Variants in CADPS observed in about 807,000 individuals in gnomAD.
CADPS encodes calcium dependent secretion activator, also known as calcium-dependent secretion activator 1.
CADPS carries 57 observed loss-of-function variants against 167.3 expected under a neutral mutation model. That is an observed-to-expected ratio of 0.34 (90% CI 0.28 to 0.42). The LOEUF (loss-of-function observed/expected upper bound fraction) is 0.42, where lower values mean the gene tolerates loss of function less well. Ranked by LOEUF, CADPS falls within the 20% of genes least tolerant of loss-of-function variation. The pLI, the probability that CADPS is intolerant of heterozygous loss-of-function variation, is 1.00. For synonymous variants in CADPS, 676 were observed against 635.3 expected (o/e 1.06, Z -0.96); for missense variants, 1,414 against 1,738.1 (o/e 0.81, Z 3.32).
intron 6 of CADPS, among the ~76,000 whole-genome samples, chr3:62,628,262 A>T (rs142612752): frequency 6.6e-5 from 10 of 152,302 alleles, no homozygotes; most frequent in African/African-American, 2.2e-4. Flanking sequence ...CTTGACACAG[A>T]TATGGGAGAA....
At chr3:62,561,078 C>CACAAAAA (rs1553921203) in intron 9 of CADPS, among the ~76,000 whole-genome samples, 1 of 83,584 alleles carries the variant, frequency 1.2e-5, no homozygotes, top group Non-Finnish European at 2.1e-5. Context: ...AACTCCATCT[C>CACAAAAA]AAAAAAAAAA....
At chr3:62,567,563 G>C (rs1249234138) in intron 9 of CADPS, among the ~76,000 whole-genome samples, 1 of 100,308 alleles carries the variant, frequency 1.0e-5, no homozygotes, top group African/African-American at 4.0e-5. Flanking sequence ...ACTAAGCACT[G>C]CTTTTTTTTT....
chr3:62,431,054 T>C (rs530330813), intron 28 of CADPS, among the ~76,000 whole-genome samples: 1 of 152,290 alleles, frequency 6.6e-6, no homozygotes, highest in East Asian at 1.9e-4. Flanking sequence ...TAATTGAGGA[T>C]AGAGATGAGG....
At chr3:62,761,302 G>A (rs1245952220) in intron 2 of CADPS, among the ~76,000 whole-genome samples, 1 of 151,822 alleles carries the variant, frequency 6.6e-6, no homozygotes, top group Non-Finnish European at 1.5e-5. Flanking sequence ...AACTAAAGAA[G>A]TCTGTCTGTT....
chr3:62,695,200 G>A (rs1337754564), intron 3 of CADPS, among the ~76,000 whole-genome samples: 3 of 152,062 alleles, frequency 2.0e-5, no homozygotes, highest in African/African-American at 4.8e-5. Flanking sequence ...CTGATTTTGG[G>A]ATTAGGGAAA....
At chr3:62,614,566 T>C (rs1041529623) in intron 6 of CADPS, among the ~76,000 whole-genome samples, 19 of 152,226 alleles carry the variant, frequency 1.2e-4, no homozygotes, top group African/African-American at 4.3e-4. Context: ...CAGGCATCTG[T>C]ATTCTGTATT....
Position 62,492,300 on chromosome 3 carries a change from G to A in CADPS, c.2874C>T (p.Leu958=). Residue 958 remains leucine, a synonymous_variant, in exon 20 of 30, where the codon CTC becomes CTT. Coordinates refer to ENST00000383710, the MANE Select transcript of CADPS (RefSeq NM_003716.4). ...AAAGGTAATACATACAGTCAGTACG[G>A]AGAAAATCATTCAGCAGCTGAAATA... ...FPLFQLLNDF[L]RTDYNLCNGK... 6.2e-7 allele frequency: 1 copy of A among 1,613,966 alleles called. No individual in the cohort carries two copies. The highest frequency in any genetic ancestry group is 8.5e-7 in the Non-Finnish European group (1 of 1,179,876).
At chr3:62,771,856 GGA>G in intron 1 of CADPS, among the ~76,000 whole-genome samples, 1 of 152,318 alleles carries the variant, frequency 6.6e-6, no homozygotes, top group South Asian at 2.1e-4. Flanking sequence ...GAAGCATTCT[GGA>G]GAAGTGTGAA....
At chr3:62,749,391 C>T (rs956911426) in intron 3 of CADPS, among the ~76,000 whole-genome samples, 3 of 152,194 alleles carry the variant, frequency 2.0e-5, no homozygotes, top group Non-Finnish European at 2.9e-5. Flanking sequence ...TTTCACAAAG[C>T]AGCAGCAGAA....
intron 21 of CADPS, among the ~76,000 whole-genome samples, chr3:62,484,219 T>G (rs1470719964): frequency 1.3e-5 from 2 of 152,190 alleles, no homozygotes; most frequent in Non-Finnish European, 2.9e-5. Flanking sequence ...ATGCTTGATA[T>G]TTCTGCTTTT....
chr3:62,567,985 T>A (rs1045310157), intron 9 of CADPS, among the ~76,000 whole-genome samples: 1 of 152,184 alleles, frequency 6.6e-6, no homozygotes, highest in Non-Finnish European at 1.5e-5. Context: ...GGTAATGGCA[T>A]CCTGATTTTG....
At chr3:62,790,744 G>A (rs571349597) in intron 1 of CADPS, among the ~76,000 whole-genome samples, 21 of 152,242 alleles carry the variant, frequency 1.4e-4, no homozygotes, top group African/African-American at 4.6e-4. Flanking sequence ...TATTGACAAC[G>A]ACTATGGCTT....
chr3:62,784,834 T>C (rs1299677870), intron 1 of CADPS, among the ~76,000 whole-genome samples: 2 of 151,854 alleles, frequency 1.3e-5, no homozygotes, highest in Admixed American at 6.6e-5. Flanking sequence ...TCCATTGCAA[T>C]GTATGCAGCT....
chr3:62,693,030 T>C (rs563232843), intron 3 of CADPS, among the ~76,000 whole-genome samples: 2 of 70,502 alleles, frequency 2.8e-5, no homozygotes, highest in Admixed American at 1.8e-4. Flanking sequence ...CGTTTACCAA[T>C]TTCTTGGCCA....
chr3:62,615,407 A>T (rs1397364327), intron 6 of CADPS, among the ~76,000 whole-genome samples: 1 of 152,204 alleles, frequency 6.6e-6, no homozygotes, highest in African/African-American at 2.4e-5. Flanking sequence ...AATGATGATG[A>T]CAGTAACAAA....
At chr3:62,668,393 G>T (rs755143085) in intron 3 of CADPS, among the ~76,000 whole-genome samples, 1 of 152,066 alleles carries the variant, frequency 6.6e-6, no homozygotes, top group African/African-American at 2.4e-5. Context: ...TCCTCCCCCA[G>T]TATGCTCCAC....
intron 3 of CADPS, among the ~76,000 whole-genome samples, chr3:62,691,209 G>A (rs1211933753): frequency 2.6e-5 from 4 of 152,002 alleles, no homozygotes; most frequent in African/African-American, 9.7e-5. Context: ...GATTTTTTAG[G>A]ACAGCGAAAC....
chr3:62,803,332 CTTTTTT>C (rs57928697), intron 1 of CADPS, among the ~76,000 whole-genome samples: 1 of 139,666 alleles, frequency 7.2e-6, no homozygotes, highest in Non-Finnish European at 1.5e-5. Context: ...GAGATGCTTC[CTTTTTT>C]TTTTTTTTTT....
chr3:62,496,314 T>C (rs2064792148), intron 18 of CADPS, among the ~76,000 whole-genome samples: 1 of 152,072 alleles, frequency 6.6e-6, no homozygotes, highest in African/African-American at 2.4e-5. Context: ...TTTCAATAAA[T>C]TGAGCTGGGA....
Sources: allele counts gnomAD v4.1 joint callset (sites outside exome capture counted in the v4.1 genomes callset), GRCh38; gene constraint gnomAD v4.1.1; transcripts MANE v1.5; gene names NCBI Gene and HGNC (gene_info 2026-07-23, HGNC 2026-07-21).